Variants in ME3 observed in about 807,000 individuals in gnomAD.
ME3 encodes the protein malic enzyme 3.
ME3 carries 48 observed loss-of-function variants against 68.9 expected under a neutral mutation model. The observed-to-expected ratio is 0.70, with a 90% CI of 0.55 to 0.89. ME3 has a LOEUF of 0.89. Ranked by LOEUF, ME3 falls within the 40% of genes least tolerant of loss-of-function variation. The probability of loss-of-function intolerance (pLI) is 0.00; values close to 1 mark genes in which losing one functional copy is unlikely to be tolerated. For missense variants in ME3, 675 were observed against 797.4 expected (o/e 0.85, Z 1.85); for synonymous variants, 320 against 318.8 (o/e 1.00, Z -0.04).
intron 2 of ME3, among the ~76,000 whole-genome samples, chr11:86,663,516 A>AC (rs1946410047): frequency 1.3e-5 from 2 of 152,022 alleles, no homozygotes; most frequent in Admixed American, 1.3e-4. Flanking sequence ...GTCGGATACC[A>AC]CCCCCAAAGG....
At chr11:86,492,129 C>T (rs1952044873) in intron 6 of ME3, among the ~76,000 whole-genome samples, 1 of 152,230 alleles carries the variant, frequency 6.6e-6, no homozygotes, top group South Asian at 2.1e-4. Flanking sequence ...TTGACTAGCT[C>T]TGTGGCTTTG....
In ME3 at chr11:86,631,296, C is replaced by G. The variant is rs1050443525; in HGVS notation, c.183+40466G>C. On this transcript the variant is annotated intron_variant, in intron 2 of 14. Coordinates refer to ENST00000543262, the Ensembl canonical transcript of ME3. ...CAGTCCCTGTGCTCTCCTGCCTCCC[C>G]CTTCTCTGCACATTAATGTCTTGGT... Among the ~76,000 whole-genome samples the G allele has an allele frequency of 4.6e-5, 7 of 152,304 alleles. 1 individual carries two copies. Among genetic ancestry groups the G allele is most frequent in the Admixed American group, 6.5e-5 (1 of 15,302 alleles).
intron 4 of ME3, among the ~76,000 whole-genome samples, chr11:86,555,764 C>T (rs559705220): frequency 9.9e-5 from 15 of 152,254 alleles, no homozygotes; most frequent in Non-Finnish European, 1.5e-4. Flanking sequence ...CCATAAAACG[C>T]GTGATTTACA....
chr11:86,517,649 T>C (rs190652104), intron 4 of ME3, among the ~76,000 whole-genome samples: 53 of 152,226 alleles, frequency 3.5e-4, no homozygotes, highest in African/African-American at 1.2e-3. Context: ...CCTCTGGCAA[T>C]GAGAGCAAAG....
At chr11:86,558,788 A>G (rs912104632) in intron 3 of ME3, among the ~76,000 whole-genome samples, 1 of 152,250 alleles carries the variant, frequency 6.6e-6, no homozygotes, top group African/African-American at 2.4e-5. Flanking sequence ...TTCTCAGCAC[A>G]TCACAAATAC....
chr11:86,588,759 T>C (rs764148910), intron 2 of ME3, among the ~76,000 whole-genome samples: 36 of 152,282 alleles, frequency 2.4e-4, no homozygotes, highest in Non-Finnish European at 5.0e-4. Context: ...ATGGGCTCAA[T>C]TCATTTCTAG....
rs1372166269 is a variant in ME3, at chr11:86,550,378, GC to G, written c.467+6174del. On this transcript the variant is annotated intron_variant, in intron 4 of 14. Transcript: ENST00000543262. ...TACAGACTAATGAGCTAAGTGACTT[GC>G]CTAAGGAGTTGTAGCCAGAAAGGGG... Among the ~76,000 whole-genome samples, 4 of 152,274 alleles carry G rather than the reference GC, an allele frequency of 2.6e-5. No individual in the cohort carries two copies. In the South Asian group the frequency reaches 8.3e-4, roughly 32 times the overall value.
At chr11:86,647,543 T>A (rs1594774554) in intron 2 of ME3, among the ~76,000 whole-genome samples, 1 of 144,380 alleles carries the variant, frequency 6.9e-6, no homozygotes, top group African/African-American at 2.5e-5. Flanking sequence ...AGGCTCAGAA[T>A]AAAGGGATGG....
At chr11:86,595,320 G>GAGAGAGAGAGAGAGAC (rs140478684) in intron 2 of ME3, among the ~76,000 whole-genome samples, 1,493 of 138,596 alleles carry the variant, frequency 0.011, 163 homozygotes, top group East Asian at 0.034. Context: ...GAGAGAGAGA[G>GAGAGAGAGAGAGAGAC]AGAGAGAGAG....
chr11:86,604,857 G>A (rs1362797331), intron 2 of ME3, among the ~76,000 whole-genome samples: 1 of 152,096 alleles, frequency 6.6e-6, no homozygotes, highest in Non-Finnish European at 1.5e-5. Context: ...TATCTTATAT[G>A]TTTTAATTTA....
At chr11:86,582,296 G>A (rs960903963) in intron 2 of ME3, among the ~76,000 whole-genome samples, 1 of 152,216 alleles carries the variant, frequency 6.6e-6, no homozygotes, top group Non-Finnish European at 1.5e-5. Flanking sequence ...AGAGGATGAA[G>A]AAGACATTGA....
At chr11:86,580,540 T>G (rs1265115362) in intron 2 of ME3, among the ~76,000 whole-genome samples, 1 of 152,212 alleles carries the variant, frequency 6.6e-6, no homozygotes, top group East Asian at 1.9e-4. Context: ...TGGGTCTGTA[T>G]TTTATAACTT....
At position 86,521,412 on chromosome 11, in the gene ME3, A is replaced by C. The variant is rs924190525; in HGVS notation, c.468-12545T>G. Among the ~76,000 whole-genome samples, 10 of 139,578 alleles carry C rather than the reference A, an allele frequency of 7.2e-5. 1 individual carries two copies. The highest frequency in any genetic ancestry group is 4.2e-4 in the Admixed American group (6 of 14,152). 91.6% of individuals were successfully genotyped at this position (139,578 alleles called of 152,430 possible). A position where few individuals can be genotyped will look rare whatever the true frequency, so the allele number is the denominator to read the frequency against. Reference sequence around the variant, plus strand: ...TCCATCTCAAAAACAAACAAACAAAACAAAACAAAACAAAACAAAAATAAT... The same window carrying C: ...TCCATCTCAAAAACAAACAAACAAACCAAAACAAAACAAAACAAAAATAAT... On this transcript the variant is annotated intron_variant, in intron 4 of 14. Transcript: ENST00000543262.
intron 8 of ME3, chr11:86,462,736 GGA>G: frequency 9.3e-6 from 5 of 536,268 alleles, no homozygotes; most frequent in Non-Finnish European, 1.7e-5. Flanking sequence ...TTATCTTCTG[GGA>G]AGGCAGACAA....
chr11:86,504,327 C>G (rs1391372409), intron 5 of ME3, among the ~76,000 whole-genome samples: 1 of 150,522 alleles, frequency 6.6e-6, no homozygotes, highest in East Asian at 1.9e-4. Flanking sequence ...TGGGTAACCT[C>G]AGACAAGTCA....
At chr11:86,447,758 T>C (rs1949393381) in intron 11 of ME3, among the ~76,000 whole-genome samples, 1 of 150,058 alleles carries the variant, frequency 6.7e-6, no homozygotes, top group Admixed American at 6.7e-5. Context: ...CTTGGGAGGC[T>C]GAGGCAGGAG....
chr11:86,546,487 C>A (rs1956366448), intron 4 of ME3, among the ~76,000 whole-genome samples: 1 of 152,102 alleles, frequency 6.6e-6, no homozygotes, highest in Non-Finnish European at 1.5e-5. Context: ...CAGACAACCC[C>A]ATCAAAAAGT....
intron 2 of ME3, among the ~76,000 whole-genome samples, chr11:86,567,915 T>A (rs1594481042): frequency 6.6e-6 from 1 of 152,258 alleles, no homozygotes; most frequent in East Asian, 1.9e-4. Flanking sequence ...CTCAGATGCT[T>A]GTTCTGTGTA....
At chr11:86,578,110 G>A (rs987000304) in intron 2 of ME3, among the ~76,000 whole-genome samples, 2 of 152,184 alleles carry the variant, frequency 1.3e-5, no homozygotes, top group African/African-American at 2.4e-5. Context: ...GGGAACAGAG[G>A]TGGATAGTTG....
Sources: gnomAD v4.1 joint callset for allele counts (sites outside exome capture counted in the v4.1 genomes callset) on GRCh38, gnomAD v4.1.1 for gene constraint, MANE v1.5 for transcripts, NCBI Gene and HGNC (gene_info 2026-07-23, HGNC 2026-07-21) for gene names.